KIF27: variants seen among roughly 807,000 people sequenced by gnomAD.
The protein encoded by KIF27 is kinesin family member 27.
A neutral mutation model predicts 141.8 loss-of-function variants in KIF27; 84 were observed. That is an observed-to-expected ratio of 0.59 (90% confidence interval 0.50 to 0.71). The LOEUF (loss-of-function observed/expected upper bound fraction) is 0.71. Among genes scored for constraint, KIF27 ranks in the 30% least tolerant of loss-of-function variants. The probability of loss-of-function intolerance (pLI) is 0.00; values close to 1 mark genes in which losing one functional copy is unlikely to be tolerated. For missense variants in KIF27, 1,306 were observed against 1,628.4 expected, an observed-to-expected ratio of 0.80 and a Z score of 3.41; for synonymous variants, 471 against 569.5, an observed-to-expected ratio of 0.83 and a Z score of 2.46.
intron 5 of KIF27, among the ~76,000 whole-genome samples, chr9:83,896,051 C>CAAAAA (rs35504224): frequency 0.026 from 1,389 of 52,678 alleles, 2 homozygotes; most frequent in Non-Finnish European, 0.037. Flanking sequence ...GACTCTGTCT[C>CAAAAA]AAAAAAAAAA....
intron 2 of KIF27, among the ~76,000 whole-genome samples, chr9:83,912,575 C>A (rs928849106): frequency 2.0e-5 from 3 of 152,134 alleles, no homozygotes; most frequent in Non-Finnish European, 2.9e-5. Flanking sequence ...GATAACAAAG[C>A]ACAATTTAAA....
At chr9:83,900,886 GAA>G (rs1356225475) in intron 4 of KIF27, among the ~76,000 whole-genome samples, 1 of 134,020 alleles carries the variant, frequency 7.5e-6, no homozygotes, top group Non-Finnish European at 1.6e-5. Flanking sequence ...TTACCTTTCA[GAA>G]AAAAAAAAAA....
chr9:83,918,139 G>GT (rs1955879977), intron 1 of KIF27, among the ~76,000 whole-genome samples: 1 of 152,056 alleles, frequency 6.6e-6, no homozygotes, highest in South Asian at 2.1e-4. Flanking sequence ...GCTCAGCATG[G>GT]TAGTACGCAC....
intron 16 of KIF27, among the ~76,000 whole-genome samples, chr9:83,844,582 G>T (rs138037168): frequency 6.6e-6 from 1 of 152,246 alleles, no homozygotes; most frequent in Non-Finnish European, 1.5e-5. Flanking sequence ...GACATGAACT[G>T]TTTACAGAAT....
At chr9:83,906,909 T>C (rs1268547330) in intron 3 of KIF27, among the ~76,000 whole-genome samples, 1 of 152,020 alleles carries the variant, frequency 6.6e-6, no homozygotes, top group East Asian at 1.9e-4. Context: ...GAAAAATATT[T>C]AAACATATGT....
rs758582460 is a variant in KIF27 at position 83,870,579 on chromosome 9, G to T, written c.2697C>A (p.Asp899Glu). Residue 899 changes from aspartate (D) to glutamate (E), a missense_variant, in exon 12 of 18, where the codon GAC (aspartate) becomes GAA (glutamate). By Grantham distance (45) the Asp-to-Glu change is conservative. Around this residue, in one of 4 missense-constraint regions of KIF27, gnomAD observed 596 missense variants for 751.6 expected, o/e 0.79. Transcript: ENST00000297814. The stretch of plus-strand genomic sequence containing the variant: ...TCCTTTTCAAGTTACATGCATCAAG[G>T]TCCTCAGCTTTCGGTTTTAGACCTT... ...QEEGLKPKAE[D>E]LDACNLKRRK... 7.1e-5 allele frequency: 115 copies of T among 1,613,668 alleles called. No individual in the cohort carries two copies. The East Asian group carries it at 2.4e-3, about 34-fold the overall frequency.
At position 83,903,195 on chromosome 9, in the gene KIF27, C is replaced by T; in HGVS notation, c.1323G>A (p.Glu441=). 6.2e-7 allele frequency: 1 copy of T among 1,614,180 alleles called. No homozygotes were observed. Among genetic ancestry groups the T allele is most frequent in the Non-Finnish European group, 8.5e-7 (1 of 1,180,036 alleles). Residue 441 remains glutamate (E), a synonymous_variant, in exon 4 of 18, where the codon GAG becomes GAA. Coordinates refer to ENST00000297814, the MANE Select transcript of KIF27 (RefSeq NM_017576.4). Reference sequence around the variant, plus strand: ...TGACCTCTTGGATCATGTTAAACCACTCCTGCAGTTTGTGTTGCTGCTTTT... The same window carrying T: ...TGACCTCTTGGATCATGTTAAACCATTCCTGCAGTTTGTGTTGCTGCTTTT... ...LNEKQQHKLQ[E]WFNMIQEVRK...
At position 83,883,852 on chromosome 9, in the gene KIF27, C is replaced by T. The variant is rs370301174; in HGVS notation, c.2406G>A (p.Glu802=). ...TTGCAGCATCCATCTTTTTACGAAA[C>T]TCTTTCTGTAATTTTACCTTCATTG... is the stretch of plus-strand genomic sequence containing the variant. ...DVAMKVKLQK[E]FRKKMDAAKL... is the part of the protein sequence containing the mutation. Residue 802 remains glutamate (E), a synonymous_variant, in exon 10 of 18, where the codon GAG becomes GAA. Coordinates refer to ENST00000297814, the MANE Select transcript of KIF27 (RefSeq NM_017576.4). The T allele has an allele frequency of 1.4e-5, 22 of 1,613,224 alleles. No homozygotes were observed. In the East Asian group the frequency reaches 3.1e-4, roughly 23 times the overall value.
At chr9:83,842,200 G>C in intron 17 of KIF27, 37 bp downstream of exon 17, 2 of 1,476,802 alleles carry the variant, frequency 1.4e-6, no homozygotes, top group Non-Finnish European at 1.8e-6. Context: ...AAATGCTAGA[G>C]AAACAGTGTT....
intron 11 of KIF27, among the ~76,000 whole-genome samples, chr9:83,874,230 T>C (rs1017522580): frequency 6.6e-6 from 1 of 152,124 alleles, no homozygotes; most frequent in African/African-American, 2.4e-5. Context: ...AACAATCCTA[T>C]GATATAGGGA....
At position 83,897,476 on chromosome 9, in the gene KIF27, T is replaced by TA. The variant is rs1953390899; in HGVS notation, c.1602+2184dup. On this transcript the variant is annotated intron_variant, in intron 5 of 17. Transcript: ENST00000297814. ...ACACAGAAATCAATTCCTGGAGGAC[T>TA]ATACAGCTAAATGTGGAAGGCAAAA... Among the ~76,000 whole-genome samples the TA allele has an allele frequency of 2.6e-5, 4 of 152,298 alleles. No individual in the cohort carries two copies. In the South Asian group the frequency reaches 8.3e-4, roughly 32 times the overall value.
intron 5 of KIF27, among the ~76,000 whole-genome samples, chr9:83,892,058 G>A (rs1952734085): frequency 6.6e-6 from 1 of 152,096 alleles, no homozygotes; most frequent in Non-Finnish European, 1.5e-5. Context: ...TATCAGGAAT[G>A]TGTGTGTGTG....
chr9:83,901,234 T>A (rs990491897), intron 4 of KIF27, among the ~76,000 whole-genome samples: 5 of 152,238 alleles, frequency 3.3e-5, no homozygotes, highest in African/African-American at 4.8e-5. Flanking sequence ...GTGCTGTGAT[T>A]ACAGGCATAA....
intron 15 of KIF27, 61 bp from the exon 16 acceptor site, chr9:83,850,358 C>T: frequency 9.7e-7 from 1 of 1,031,958 alleles, no homozygotes; most frequent in South Asian, 1.5e-5. Context: ...TAATAATCTA[C>T]TTTTCTTAGG....
chr9:83,853,782 T>G lies in KIF27; in HGVS notation c.3204A>C (p.Ala1068=). 6.2e-7 allele frequency: 1 copy of G among 1,613,758 alleles called. No individual in the cohort carries two copies. Among genetic ancestry groups the G allele is most frequent in the Non-Finnish European group, 8.5e-7 (1 of 1,179,732 alleles). Residue 1068 remains alanine (A), a synonymous_variant, in exon 15 of 18, where the codon GCA becomes GCC. Transcript: ENST00000297814. ...GGATACTTTCATTCCTGTATTCAAT[T>G]GCAGCTTCCAAAGCTTCAATCCCTT... ...LEEGIEALEA[A]IEYRNESIQN... is the part of the protein sequence containing the mutation.
chr9:83,904,110 TAGTCCCTTTTTTAAAA>T, intron 3 of KIF27, 92 bp from the exon 4 acceptor site: 1 of 871,646 alleles, frequency 1.1e-6, no homozygotes, highest in Non-Finnish European at 1.7e-6. Flanking sequence ...CTGGCCAAGA[TAGTCCCTTTTTTAAAA>T]AGTCAACAGC....
chr9:83,867,941 G>C, intron 12 of KIF27, 81 bp from the exon 13 acceptor site: 1 of 1,335,568 alleles, frequency 7.5e-7, no homozygotes, highest in Non-Finnish European at 1.0e-6. Context: ...TTTCAGATTG[G>C]CTGAAATCTC....
At chr9:83,839,700 T>C (rs1428461020) in intron 17 of KIF27, among the ~76,000 whole-genome samples, 15 of 152,090 alleles carry the variant, frequency 9.9e-5, no homozygotes, top group Non-Finnish European at 1.9e-4. Flanking sequence ...CGCCTGTAAT[T>C]CCAGCACTTT....
chr9:83,914,900 C>T (rs1213381859), intron 2 of KIF27, among the ~76,000 whole-genome samples: 1 of 152,132 alleles, frequency 6.6e-6, no homozygotes, highest in African/African-American at 2.4e-5. Flanking sequence ...AGAAAAGATA[C>T]TTTACATAAT....
Sources: allele counts gnomAD v4.1 joint callset (sites outside exome capture counted in the v4.1 genomes callset), GRCh38; gene constraint gnomAD v4.1.1; regional missense constraint gnomAD v4.1.1; transcripts MANE v1.5; gene names NCBI Gene and HGNC (gene_info 2026-07-23, HGNC 2026-07-21).